Variants in DNAH8 observed in about 807,000 individuals in gnomAD.
DNAH8 encodes axonemal beta dynein heavy chain 8.
In DNAH8, 382 loss-of-function variants were observed where a neutral mutation model predicts 562.1. The ratio of observed to expected loss-of-function variants is 0.68; its 90% confidence interval spans 0.63 to 0.74. The LOEUF (loss-of-function observed/expected upper bound fraction) is 0.74, where lower values mean the gene tolerates loss of function less well. DNAH8 is among the 30% of genes least tolerant of loss of function. The pLI, the probability that DNAH8 is intolerant of heterozygous loss-of-function variation, is 0.00. For missense variants in DNAH8, 5,203 were observed against 5,620.4 expected, an observed-to-expected ratio of 0.93 and a Z score of 2.37; for synonymous variants, 1,881 against 1,919.4, an observed-to-expected ratio of 0.98 and a Z score of 0.52.
chr6:38,917,620 A>G (rs555169420), intron 69 of DNAH8, among the ~76,000 whole-genome samples: 1 of 152,334 alleles, frequency 6.6e-6, no homozygotes, highest in African/African-American at 2.4e-5. Flanking sequence ...GGTGGCTAGT[A>G]TTGGCACAGC....
intron 88 of DNAH8, among the ~76,000 whole-genome samples, chr6:38,991,175 G>A (rs1764758482): frequency 6.6e-6 from 1 of 152,216 alleles, no homozygotes; most frequent in African/African-American, 2.4e-5. Flanking sequence ...CTCCCTGCAT[G>A]AGGATGCACT....
chr6:38,861,824 G>T (rs1173413391), intron 43 of DNAH8, among the ~76,000 whole-genome samples: 3 of 152,124 alleles, frequency 2.0e-5, no homozygotes, highest in African/African-American at 7.2e-5. Context: ...GAGCCACCAT[G>T]CCCAGCCTTA....
At chr6:38,860,688 T>C in intron 43 of DNAH8, 59 bp downstream of exon 43, 1 of 1,214,904 alleles carries the variant, frequency 8.2e-7, no homozygotes, top group Non-Finnish European at 1.1e-6. Flanking sequence ...TAACATTATT[T>C]ATAGTTGAAT....
At chr6:38,819,858 A>C (rs1772659035) in intron 26 of DNAH8, among the ~76,000 whole-genome samples, 1 of 152,218 alleles carries the variant, frequency 6.6e-6, no homozygotes, top group Non-Finnish European at 1.5e-5. Context: ...ATAGAAACAC[A>C]GATTTTTTTT....
chr6:38,769,206 A>G (rs1484108962), intron 11 of DNAH8, among the ~76,000 whole-genome samples: 4 of 152,242 alleles, frequency 2.6e-5, no homozygotes, highest in African/African-American at 7.2e-5. Context: ...TGTTATTCAG[A>G]GCCAACTCAT....
At position 38,915,341 on chromosome 6, in the gene DNAH8, T is replaced by C; in HGVS notation, c.10104T>C (p.Ala3368=). 1.2e-6 allele frequency: 2 copies of C among 1,606,546 alleles called. No individual in the cohort carries two copies. Residue 3368 remains alanine (A), a synonymous_variant, in exon 68 of 93, where the codon GCT becomes GCC. Transcript: ENST00000327475. The part of the protein sequence containing the change: ...KVKAESKLEA[A]KPALEEAEAA... ...AAGCTGAAAGCAAGCTTGAGGCAGC[T>C]AAACCTGCACTGGAAGAAGCAGAAG...
chr6:38,950,289 A>G lies in DNAH8; in HGVS notation c.12248+719A>G, dbSNP rs561988907. Among the ~76,000 whole-genome samples the G allele has an allele frequency of 3.2e-4, 48 of 151,930 alleles. 1 individual carries two copies. The highest frequency in any genetic ancestry group is 2.6e-3 in the Admixed American group (39 of 15,266). ...ATGAGACCCCCACATGAAAAATGAGAGGTAGAGTTATTTTGAAGCAATTTT... is the reference window on the plus strand; with the variant it reads ...ATGAGACCCCCACATGAAAAATGAGGGGTAGAGTTATTTTGAAGCAATTTT... On this transcript the variant is annotated intron_variant, in intron 81 of 92. Transcript: ENST00000327475.
intron 24 of DNAH8, 43 bp downstream of exon 24, chr6:38,807,759 T>A (rs775020054): frequency 5.7e-6 from 6 of 1,045,946 alleles, no homozygotes; most frequent in Non-Finnish European, 8.1e-6. Flanking sequence ...ATCATACTTA[T>A]AATGTGAATA....
In DNAH8 at chr6:38,911,579, G is replaced by C. The variant is rs1158047737; in HGVS notation, c.9852G>C (p.Met3284Ile). The C allele has an allele frequency of 3.1e-6, 5 of 1,587,488 alleles. No homozygotes were observed. Among genetic ancestry groups the C allele is most frequent in the Non-Finnish European group, 4.3e-6 (5 of 1,156,008 alleles). The change falls in exon 66 of 93, where the codon ATG becomes ATC. Residue 3284 changes from methionine to isoleucine, a missense_variant. Coordinates refer to ENST00000327475, the MANE Select transcript of DNAH8 (RefSeq NM_001206927.2). ...VKFINEQAER[M>I]NIGLDKLMEA... Reference sequence around the variant, plus strand: ...TCATTAATGAACAGGCTGAACGTATGAATATTGGTAAGAGGAATGGAATGG... The same window carrying C: ...TCATTAATGAACAGGCTGAACGTATCAATATTGGTAAGAGGAATGGAATGG...
intron 1 of DNAH8, among the ~76,000 whole-genome samples, chr6:38,715,952 A>ATTTTTTTT (rs1562521236): frequency 1.2e-4 from 3 of 25,702 alleles, no homozygotes; most frequent in African/African-American, 1.8e-4. Context: ...ATATATATAT[A>ATTTTTTTT]TATATATATT....
chr6:38,812,935 G>A lies in DNAH8; in HGVS notation c.3258-1119G>A, dbSNP rs924588558. Reference sequence around the variant, plus strand: ...TAATAATCGTAGGGTCTGCCTCACAGAATTAATGTGAACATGAACTGGTAA... The same window carrying A: ...TAATAATCGTAGGGTCTGCCTCACAAAATTAATGTGAACATGAACTGGTAA... On this transcript the variant is annotated intron_variant, in intron 24 of 92. Coordinates refer to ENST00000327475, the MANE Select transcript of DNAH8 (RefSeq NM_001206927.2). Among the ~76,000 whole-genome samples the A allele has an allele frequency of 1.3e-5, 2 of 152,186 alleles. 1 individual carries two copies. Among genetic ancestry groups the A allele is most frequent in the South Asian group, 4.1e-4 (2 of 4,838 alleles).
rs190110919 is a variant in DNAH8 at position 38,845,802 on chromosome 6, A to C, written c.5045+29A>C. 79 of 1,552,336 alleles carry C rather than the reference A, an allele frequency of 5.1e-5. No homozygotes were observed. The East Asian group carries it at 9.9e-4, about 19-fold the overall frequency. On this transcript the variant is annotated intron_variant, in intron 36 of 92. Coordinates refer to ENST00000327475, the MANE Select transcript of DNAH8 (RefSeq NM_001206927.2). Reference sequence around the variant, plus strand: ...ATTTTATAATTTGAGAGAGAGATTTAAATGGGATATTTAGGGTTATAAAAT... The same window carrying C: ...ATTTTATAATTTGAGAGAGAGATTTCAATGGGATATTTAGGGTTATAAAAT...
At chr6:38,754,507 C>T (rs1316274743) in intron 9 of DNAH8, among the ~76,000 whole-genome samples, 2 of 152,130 alleles carry the variant, frequency 1.3e-5, no homozygotes, top group Admixed American at 6.6e-5. Flanking sequence ...CTAGGACATA[C>T]CGTACAGTAA....
At chr6:38,794,574 C>T (rs1000256835) in intron 21 of DNAH8, among the ~76,000 whole-genome samples, 2 of 152,166 alleles carry the variant, frequency 1.3e-5, no homozygotes, top group Admixed American at 6.5e-5. Flanking sequence ...TCCTTCCCAC[C>T]CCTAAAAGTA....
intron 82 of DNAH8, among the ~76,000 whole-genome samples, chr6:38,958,301 G>A (rs9357293): frequency 0.14 from 20,991 of 151,450 alleles, 1,625 homozygotes; most frequent in East Asian, 0.32. Context: ...CACCGCGCCC[G>A]GCCGATAGAA....
At chr6:38,969,836 A>T (rs1191005015) in intron 82 of DNAH8, among the ~76,000 whole-genome samples, 1 of 152,056 alleles carries the variant, frequency 6.6e-6, no homozygotes, top group Non-Finnish European at 1.5e-5. Flanking sequence ...AAGCCATTGG[A>T]TGGTTCTGAG....
At chr6:38,886,429 A>G (rs886916025) in intron 56 of DNAH8, among the ~76,000 whole-genome samples, 3 of 152,210 alleles carry the variant, frequency 2.0e-5, no homozygotes, top group Admixed American at 2.0e-4. Flanking sequence ...TTCTGATCTA[A>G]AGGTTTTTAA....
chr6:38,920,407 T>C (rs1002726617), intron 70 of DNAH8, among the ~76,000 whole-genome samples: 11 of 152,336 alleles, frequency 7.2e-5, no homozygotes, highest in African/African-American at 2.6e-4. Flanking sequence ...AAAGAACTTC[T>C]ACCCCAGAAG....
At chr6:38,735,765 A>G (rs1764032243) in intron 5 of DNAH8, among the ~76,000 whole-genome samples, 1 of 152,224 alleles carries the variant, frequency 6.6e-6, no homozygotes, top group African/African-American at 2.4e-5. Context: ...AGAAGCAACT[A>G]TTAAACCCTT....
Sources: gnomAD v4.1 joint callset for allele counts (sites outside exome capture counted in the v4.1 genomes callset) on GRCh38, gnomAD v4.1.1 for gene constraint, MANE v1.5 for transcripts, NCBI Gene and HGNC (gene_info 2026-07-23, HGNC 2026-07-21) for gene names.